Variants in KDM7A observed in about 807,000 individuals in gnomAD.
KDM7A encodes the protein lysine-specific demethylase 7A.
A neutral mutation model predicts 114.8 loss-of-function variants in KDM7A; 28 were observed. That is an observed-to-expected ratio of 0.24 (90% CI 0.18 to 0.33). The LOEUF is 0.33. Ranked by LOEUF, KDM7A falls within the 10% of genes least tolerant of loss-of-function variation. The pLI, the probability that KDM7A is intolerant of heterozygous loss-of-function variation, is 1.00. For missense variants in KDM7A, 942 were observed against 1,142.5 expected (o/e 0.82, Z 2.53); for synonymous variants, 423 against 397.8 (o/e 1.06, Z -0.75).
rs1562953202 is a variant in KDM7A at position 140,126,643 on chromosome 7, GA to G, written c.881del (p.Val294AlafsTer10). ...AAAAATACCCCAATCTTACCCAGAGGACATGGTACCAGACTGAAGTTCCACC... is the reference window on the plus strand; with the variant it reads ...AAAAATACCCCAATCTTACCCAGAGGCATGGTACCAGACTGAAGTTCCACC... ...DFGGTSVWYH[V>X]LWGEKIFYLI... On this transcript the variant is annotated frameshift_variant, in exon 6 of 20. Coordinates refer to ENST00000397560, the MANE Select transcript of KDM7A (RefSeq NM_030647.2). LOFTEE classifies it high-confidence loss of function. 6.2e-7 allele frequency: 1 copy of G among 1,601,836 alleles called. No individual in the cohort carries two copies. Among genetic ancestry groups the G allele is most frequent in the Non-Finnish European group, 8.5e-7 (1 of 1,174,346 alleles).
chr7:140,112,059 T>TAAAA (rs2116772994), intron 10 of KDM7A, among the ~76,000 whole-genome samples: 1 of 152,364 alleles, frequency 6.6e-6, no homozygotes, highest in East Asian at 1.9e-4. Flanking sequence ...ATATGCTTTG[T>TAAAA]TTTGTTTTTA....
intron 19 of KDM7A, among the ~76,000 whole-genome samples, chr7:140,091,473 T>G (rs1200782101): frequency 1.3e-5 from 2 of 152,124 alleles, no homozygotes; most frequent in South Asian, 2.1e-4. Context: ...TGACTACCAT[T>G]TCACAAATAC....
intron 10 of KDM7A, among the ~76,000 whole-genome samples, chr7:140,112,052 T>G (rs890764644): frequency 6.6e-6 from 1 of 152,162 alleles, no homozygotes; most frequent in East Asian, 1.9e-4. Flanking sequence ...TGGCAACATA[T>G]GCTTTGTTTT....
At chr7:140,116,816 C>T (rs1818538729) in intron 9 of KDM7A, among the ~76,000 whole-genome samples, 1 of 152,114 alleles carries the variant, frequency 6.6e-6, no homozygotes, top group African/African-American at 2.4e-5. Flanking sequence ...TAAGTTGAAA[C>T]AAAGGATTTC....
At chr7:140,114,324 C>T (rs921999145) in intron 9 of KDM7A, among the ~76,000 whole-genome samples, 28 of 152,114 alleles carry the variant, frequency 1.8e-4, no homozygotes, top group African/African-American at 4.1e-4. Flanking sequence ...CGCGCCACCA[C>T]GCCTGATTGG....
chr7:140,133,600 T>C lies in KDM7A; in HGVS notation c.337A>G (p.Lys113Glu), dbSNP rs1409603011. The C allele has an allele frequency of 1.2e-6, 2 of 1,613,310 alleles. No individual in the cohort carries two copies. The highest frequency in any genetic ancestry group is 1.7e-6 in the Non-Finnish European group (2 of 1,179,354). ...HDYTEIDDGS[K>E]PVQAGTRTFI... ...GTTCTAGTTCCAGCTTGCACTGGTT[T>C]GGAACCATCATCAATTTCTGTGTAG... The change falls in exon 3 of 20, where the codon AAA becomes GAA. Residue 113 changes from lysine (K) to glutamate (E), a missense_variant. Physicochemically the swap from Lys to Glu is moderately conservative, Grantham distance 56 (BLOSUM62 1). Coordinates refer to ENST00000397560, the MANE Select transcript of KDM7A (RefSeq NM_030647.2).
At chr7:140,142,186 A>T (rs1412049110) in intron 1 of KDM7A, among the ~76,000 whole-genome samples, 1 of 151,032 alleles carries the variant, frequency 6.6e-6, no homozygotes, top group Non-Finnish European at 1.5e-5. Context: ...AAGGTTGTAT[A>T]ACATAATATA....
chr7:140,176,544 C>T lies in KDM7A; in HGVS notation c.194+200G>A, dbSNP rs1376301354. 6.8e-6 allele frequency among the ~76,000 whole-genome samples: 1 copy of T among 146,848 alleles called. No individual in the cohort carries two copies. The highest frequency in any genetic ancestry group is 6.7e-5 in the Admixed American group (1 of 14,816). ...CTTCGCCCGGGCCAGGCGAGCCCAC[C>T]GGCTCCCCTCTGGAGCCCGCCCGGC... is the stretch of plus-strand genomic sequence containing the variant. On this transcript the variant is annotated intron_variant, in intron 1 of 19. Transcript: ENST00000397560. This position sits in a 1 kb window ranked among gnomAD's most constrained non-coding sequence, Gnocchi z 4.4.
Position 140,113,539 on chromosome 7 carries a change from C to G in KDM7A, c.1290G>C (p.Gln430His). Residue 430 changes from glutamine (Q) to histidine (H), a missense_variant, in exon 10 of 20, where the codon CAG (glutamine) becomes CAC (histidine). Transcript: ENST00000397560. Reference protein sequence around the residue: ...DGFQPQTYLVQGVKALHTALK... With the variant: ...DGFQPQTYLVHGVKALHTALK... ...AAGCAGTATGCAGTGCTTTCACTCC[C>G]TGTACTAGGTAAGTTTGAGGCTGGA... 1 of 1,608,176 alleles carries G rather than the reference C, an allele frequency of 6.2e-7. No individual in the cohort carries two copies. Among genetic ancestry groups the G allele is most frequent in the Non-Finnish European group, 8.5e-7 (1 of 1,175,794 alleles).
intron 9 of KDM7A, among the ~76,000 whole-genome samples, chr7:140,117,585 T>C (rs766265176): frequency 1.3e-5 from 2 of 151,984 alleles, no homozygotes; most frequent in Admixed American, 1.3e-4. Context: ...AAGTATAGAG[T>C]TGTCAATCTC....
At chr7:140,143,552 C>A (rs1794309189) in intron 1 of KDM7A, among the ~76,000 whole-genome samples, 1 of 152,124 alleles carries the variant, frequency 6.6e-6, no homozygotes, top group Admixed American at 6.5e-5. Flanking sequence ...CTACCCACAA[C>A]CATGTAAAAA....
chr7:140,123,015 TA>T (rs1272910087), intron 7 of KDM7A, among the ~76,000 whole-genome samples: 2 of 152,078 alleles, frequency 1.3e-5, no homozygotes, highest in Admixed American at 6.5e-5. Flanking sequence ...ACTCAACAAT[TA>T]AAAAGGACAA....
chr7:140,151,918 A>C (rs1259047136), intron 1 of KDM7A, among the ~76,000 whole-genome samples: 2 of 152,250 alleles, frequency 1.3e-5, no homozygotes, highest in Admixed American at 1.3e-4. Flanking sequence ...AAGATTGAAT[A>C]TATACAGGAA....
intron 7 of KDM7A, among the ~76,000 whole-genome samples, chr7:140,121,826 C>A (rs1189248570): frequency 6.6e-6 from 1 of 152,124 alleles, no homozygotes; most frequent in Non-Finnish European, 1.5e-5. Flanking sequence ...TATATACAGA[C>A]ACCCACACAC....
At chr7:140,126,535 T>C (rs900839394) in intron 6 of KDM7A, 102 bp downstream of exon 6, 6 of 548,896 alleles carry the variant, frequency 1.1e-5, no homozygotes, top group Middle Eastern at 3.2e-4. Context: ...AAAAAAAAAC[T>C]TCCCCCTTTA....
chr7:140,142,137 T>C (rs1276411466), intron 1 of KDM7A, among the ~76,000 whole-genome samples: 1 of 149,658 alleles, frequency 6.7e-6, no homozygotes, highest in Non-Finnish European at 1.5e-5. Flanking sequence ...TATTCCAAAG[T>C]AGATGATAAA....
chr7:140,113,425 A>C, intron 10 of KDM7A, 66 bp downstream of exon 10: 1 of 947,478 alleles, frequency 1.1e-6, no homozygotes, highest in Non-Finnish European at 1.7e-6. Context: ...CCAAAATAGC[A>C]CAAGGACTCT....
At chr7:140,104,762 T>C (rs1006241325) in intron 11 of KDM7A, among the ~76,000 whole-genome samples, 1 of 152,212 alleles carries the variant, frequency 6.6e-6, no homozygotes, top group Non-Finnish European at 1.5e-5. Context: ...CTTAGGATTG[T>C]CTTGGCAATG....
chr7:140,091,081 A>T lies in KDM7A; in HGVS notation c.*13T>A. On this transcript the variant is annotated 3_prime_UTR_variant, in exon 20 of 20. Coordinates refer to ENST00000397560, the MANE Select transcript of KDM7A (RefSeq NM_030647.2). Reference sequence around the variant, plus strand: ...GGTCTCCAAAGGGAAGAATGGCTGCAACAGCAGCTCTGTCACACAAAGAAA... The same window carrying T: ...GGTCTCCAAAGGGAAGAATGGCTGCTACAGCAGCTCTGTCACACAAAGAAA... The T allele has an allele frequency of 6.3e-7, 1 of 1,596,592 alleles. No homozygotes were observed. Among genetic ancestry groups the T allele is most frequent in the Non-Finnish European group, 8.6e-7 (1 of 1,163,872 alleles).
Sources: allele counts gnomAD v4.1 joint callset (sites outside exome capture counted in the v4.1 genomes callset), GRCh38; gene constraint gnomAD v4.1.1; non-coding constraint Gnocchi (gnomAD v3.1); transcripts MANE v1.5; gene names NCBI Gene and HGNC (gene_info 2026-07-23, HGNC 2026-07-21).